Variants in MRPS9 observed in about 807,000 individuals in gnomAD.
MRPS9 encodes small ribosomal subunit protein uS9m.
Under a neutral mutation model 59.9 loss-of-function variants are expected in MRPS9, and 45 were observed. That is an observed-to-expected ratio of 0.75 (90% confidence interval 0.59 to 0.96). MRPS9 has a LOEUF of 0.96. MRPS9 is among the 40% of genes least tolerant of loss of function. The probability of loss-of-function intolerance (pLI) is 0.00; values close to 1 mark genes in which losing one functional copy is unlikely to be tolerated. For synonymous variants in MRPS9, 171 were observed against 166.8 expected, an observed-to-expected ratio of 1.03 and a Z score of -0.19; for missense variants, 473 against 481.1, an observed-to-expected ratio of 0.98 and a Z score of 0.16.
chr2:105,094,818 A>G (rs1009226311), intron 9 of MRPS9, among the ~76,000 whole-genome samples: 1 of 152,174 alleles, frequency 6.6e-6, no homozygotes, highest in Non-Finnish European at 1.5e-5. Context: ...TTAACCAATA[A>G]CCTGTCTGTT....
chr2:105,058,237 A>G (rs910239409), intron 2 of MRPS9, among the ~76,000 whole-genome samples: 3 of 152,246 alleles, frequency 2.0e-5, no homozygotes, highest in African/African-American at 7.2e-5. Flanking sequence ...TGTAGAGAAC[A>G]GTTTAAATAA....
chr2:105,044,690 G>C (rs1289301616), intron 1 of MRPS9, among the ~76,000 whole-genome samples: 1 of 152,096 alleles, frequency 6.6e-6, no homozygotes, highest in Non-Finnish European at 1.5e-5. Flanking sequence ...GGAGACTATA[G>C]GCAGACACAA....
At chr2:105,071,799 T>C (rs764189380) in intron 4 of MRPS9, among the ~76,000 whole-genome samples, 1 of 152,240 alleles carries the variant, frequency 6.6e-6, no homozygotes, top group Non-Finnish European at 1.5e-5. Context: ...AACTTCTGTT[T>C]ATATGAAAAT....
intron 5 of MRPS9, among the ~76,000 whole-genome samples, chr2:105,082,850 G>T (rs967315971): frequency 6.6e-6 from 1 of 152,086 alleles, no homozygotes; most frequent in Non-Finnish European, 1.5e-5. Context: ...TGGGAAAGTC[G>T]ATTAAAAACT....
intron 2 of MRPS9, among the ~76,000 whole-genome samples, chr2:105,069,848 CAA>C (rs35040674): frequency 2.8e-4 from 36 of 130,784 alleles, no homozygotes; most frequent in Admixed American, 5.4e-4. Context: ...CTCATCTCTA[CAA>C]AAAAAAAAAA....
At chr2:105,089,121 G>A (rs372524845) in intron 6 of MRPS9, 52 bp downstream of exon 6, 41 of 1,373,080 alleles carry the variant, frequency 3.0e-5, no homozygotes, top group Admixed American at 2.2e-4. Context: ...CTAAAAACAT[G>A]CCACTCATTG....
At chr2:105,080,137 G>C in intron 5 of MRPS9, 75 bp downstream of exon 5, 1 of 1,010,584 alleles carries the variant, frequency 9.9e-7, no homozygotes, top group South Asian at 1.7e-5. Flanking sequence ...ACTGTTCGCA[G>C]CTTCAGAATT....
At chr2:105,043,749 C>G (rs993306751) in intron 1 of MRPS9, among the ~76,000 whole-genome samples, 1 of 151,924 alleles carries the variant, frequency 6.6e-6, no homozygotes, top group Non-Finnish European at 1.5e-5. Context: ...GTTCTCCTGC[C>G]TCAGCCTCCC....
At chr2:105,041,021 A>G (rs1330098599) in intron 1 of MRPS9, among the ~76,000 whole-genome samples, 1 of 152,190 alleles carries the variant, frequency 6.6e-6, no homozygotes, top group Non-Finnish European at 1.5e-5. Flanking sequence ...TGGTTATAGC[A>G]TAGGGTTTTG....
chr2:105,097,599 T>C (rs1054256251), intron 10 of MRPS9, among the ~76,000 whole-genome samples: 1 of 152,242 alleles, frequency 6.6e-6, no homozygotes, highest in Non-Finnish European at 1.5e-5. Context: ...AAAGTTAATT[T>C]TGGCCTTAAT....
At chr2:105,053,272 A>G (rs1207174914) in intron 2 of MRPS9, among the ~76,000 whole-genome samples, 1 of 152,198 alleles carries the variant, frequency 6.6e-6, no homozygotes, top group Non-Finnish European at 1.5e-5. Context: ...TATTTTCATG[A>G]GGACTTAATT....
At chr2:105,072,782 G>A (rs79995179) in intron 4 of MRPS9, among the ~76,000 whole-genome samples, 2,694 of 152,178 alleles carry the variant, frequency 0.018, 81 homozygotes, top group African/African-American at 0.062. Context: ...TCAAAGCTAG[G>A]CATTTATTCT....
At chr2:105,092,290 CAA>C in intron 7 of MRPS9, 109 bp from the exon 8 acceptor site, 1 of 947,532 alleles carries the variant, frequency 1.1e-6, no homozygotes. Context: ...GTCATCCTGT[CAA>C]AATTCATCAG....
chr2:105,049,255 A>T lies in MRPS9; in HGVS notation c.220A>T (p.Ile74Phe). 1 of 1,613,380 alleles carries T rather than the reference A, an allele frequency of 6.2e-7. No homozygotes were observed. Among genetic ancestry groups the T allele is most frequent in the Non-Finnish European group, 8.5e-7 (1 of 1,179,698 alleles). Residue 74 changes from isoleucine (I) to phenylalanine (F), a missense_variant, in exon 2 of 11, where the codon ATT (isoleucine) becomes TTT (phenylalanine). By Grantham distance (21) the Ile-to-Phe change is conservative. Transcript: ENST00000258455. ...ACGTGAAACTTACACAGAGGATTTT[A>T]TTAAAAAGCAGATTGAAGAGTTCAA... Reference protein sequence around the residue: ...SKRETYTEDFIKKQIEEFNIG... With the variant: ...SKRETYTEDFFKKQIEEFNIG...
At position 105,099,907 on chromosome 2, in the gene MRPS9, CT is replaced by C; in HGVS notation, c.*149del. ...GAGATGGATTTATTTTTAAATGCTA[CT>C]TTGTAAAGGTGACCTTTAAAAAATA... On this transcript the variant is annotated 3_prime_UTR_variant, in exon 11 of 11. Transcript: ENST00000258455. 2 of 559,196 alleles carry C rather than the reference CT, an allele frequency of 3.6e-6. No individual in the cohort carries two copies. Among genetic ancestry groups the C allele is most frequent in the Non-Finnish European group, 6.2e-6 (2 of 321,778 alleles). 34.6% of individuals were successfully genotyped at this position (559,196 alleles called of 1,614,324 possible). A position where few individuals can be genotyped will look rare whatever the true frequency, so the allele number is the denominator to read the frequency against.
intron 2 of MRPS9, among the ~76,000 whole-genome samples, chr2:105,069,899 G>GCT (rs1248385147): frequency 6.6e-6 from 1 of 151,952 alleles, no homozygotes; most frequent in Non-Finnish European, 1.5e-5. Flanking sequence ...TCTAGCCCCA[G>GCT]CTACTCCTGA....
Position 105,038,108 on chromosome 2 carries a change from G to A in MRPS9, c.16G>A (p.Val6Met), listed in dbSNP as rs968669025. MAAPC[V>M]SYGGAVSYRL... ...CACAGCTAACATGGCGGCGCCCTGT[G>A]TGTCCTACGGCGGAGCAGTTTCGTA... Residue 6 changes from valine (V) to methionine (M), a missense_variant, in exon 1 of 11, where the codon GTG becomes ATG. Val to Met is a conservative substitution (Grantham distance 21). Transcript: ENST00000258455. 6.2e-7 allele frequency: 1 copy of A among 1,613,926 alleles called. No individual in the cohort carries two copies. Among genetic ancestry groups the A allele is most frequent in the Non-Finnish European group, 8.5e-7 (1 of 1,180,002 alleles).
chr2:105,060,411 A>G (rs1024603687), intron 2 of MRPS9, among the ~76,000 whole-genome samples: 1 of 152,136 alleles, frequency 6.6e-6, no homozygotes, highest in Non-Finnish European at 1.5e-5. Flanking sequence ...CCTCCCAAGT[A>G]TCTGAGATTA....
chr2:105,092,339 T>C lies in MRPS9; in HGVS notation c.652-62T>C, dbSNP rs114057600. Reference sequence around the variant, plus strand: ...TTGGAAAGATCAAGTATGCAAAAAATAGAAAAAATTTAGCAAATGCAATTA... The same window carrying C: ...TTGGAAAGATCAAGTATGCAAAAAACAGAAAAAATTTAGCAAATGCAATTA... On this transcript the variant is annotated intron_variant, in intron 7 of 10. Coordinates refer to ENST00000258455, the MANE Select transcript of MRPS9 (RefSeq NM_182640.3). 2,878 of 1,454,266 alleles carry C rather than the reference T, an allele frequency of 2.0e-3. 50 individuals are homozygous for C. In the African/African-American group the frequency reaches 0.037, roughly 19 times the overall value. 90.1% of individuals were successfully genotyped at this position (1,454,266 alleles called of 1,614,324 possible).
Sources: gnomAD v4.1 joint callset for allele counts (sites outside exome capture counted in the v4.1 genomes callset) on GRCh38, gnomAD v4.1.1 for gene constraint, MANE v1.5 for transcripts, NCBI Gene and HGNC (gene_info 2026-07-23, HGNC 2026-07-21) for gene names.